The following SUCO variants were observed in gnomAD, a reference collection of about 807,000 sequenced individuals.
SUCO encodes SUN domain containing ossification factor.
A neutral mutation model predicts 148.1 loss-of-function variants in SUCO; 57 were observed. The observed-to-expected ratio is 0.38, with a 90% CI of 0.31 to 0.48. The LOEUF (loss-of-function observed/expected upper bound fraction) is 0.48. Ranked by LOEUF, SUCO falls within the 20% of genes least tolerant of loss-of-function variation. The pLI, the probability that SUCO is intolerant of heterozygous loss-of-function variation, is 0.96. For missense variants in SUCO, 1,331 were observed against 1,468.2 expected (o/e 0.91, Z 1.53); for synonymous variants, 470 against 502.7 (o/e 0.93, Z 0.87).
chr1:172,605,513 G>A (rs1394978271), intron 22 of SUCO, among the ~76,000 whole-genome samples: 2 of 151,738 alleles, frequency 1.3e-5, no homozygotes, highest in South Asian at 4.1e-4. Flanking sequence ...TGTGCCATTG[G>A]TGTATTTGTC....
At chr1:172,540,437 T>C (rs749761888) in intron 1 of SUCO, among the ~76,000 whole-genome samples, 30 of 152,238 alleles carry the variant, frequency 2.0e-4, no homozygotes, top group Non-Finnish European at 4.1e-4. Context: ...TTGTAGATTT[T>C]GTCAGTAAGT....
At chr1:172,586,292 T>C (rs1450273516) in intron 17 of SUCO, among the ~76,000 whole-genome samples, 2 of 152,072 alleles carry the variant, frequency 1.3e-5, no homozygotes, top group Non-Finnish European at 1.5e-5. Flanking sequence ...TTTTTTTTAT[T>C]AAGTTCAAGT....
chr1:172,533,152 G>C lies in SUCO; in HGVS notation c.-284G>C, dbSNP rs960126111. ...GGCCCCCGGCGGGCGGGGAGGATAT[G>C]GGGCGGCAGTGGCGGCTGCAGGAGG... On this transcript the variant is annotated 5_prime_UTR_variant, in exon 1 of 24. An upstream start codon of the reference 5' UTR is lost. Coordinates refer to ENST00000263688, the MANE Select transcript of SUCO (RefSeq NM_014283.5). The C allele has an allele frequency of 3.4e-6, 5 of 1,460,566 alleles. No homozygotes were observed. Among genetic ancestry groups the C allele is most frequent in the Non-Finnish European group, 4.5e-6 (5 of 1,111,136 alleles). 90.5% of individuals were successfully genotyped at this position (1,460,566 alleles called of 1,614,324 possible). A position where few individuals can be genotyped will look rare whatever the true frequency, so the allele number is the denominator to read the frequency against.
chr1:172,553,892 A>G (rs2149230034), intron 3 of SUCO, among the ~76,000 whole-genome samples: 1 of 152,340 alleles, frequency 6.6e-6, no homozygotes, highest in African/African-American at 2.4e-5. Flanking sequence ...TATATACACC[A>G]TAAACTGATC....
At position 172,610,083 on chromosome 1, in the gene SUCO, A is replaced by C; in HGVS notation, c.3589A>C (p.Thr1197Pro). The change falls in exon 24 of 24, where the codon ACT becomes CCT. Residue 1197 changes from threonine to proline, a missense_variant. This residue lies in a region of SUCO where 334 missense variants were observed against 352.3 expected (regional missense o/e 0.95). Transcript: ENST00000263688. Reference protein sequence around the residue: ...LCNGQSQKTKTEKRALKRRRS... With the variant: ...LCNGQSQKTKPEKRALKRRRS... The stretch of plus-strand genomic sequence containing the variant: ...CAATGGACAGTCTCAAAAGACAAAA[A>C]CTGAGAAGAGGGCTTTAAAACGAAG... 1 of 1,613,834 alleles carries C rather than the reference A, an allele frequency of 6.2e-7. No individual in the cohort carries two copies. Among genetic ancestry groups the C allele is most frequent in the Non-Finnish European group, 8.5e-7 (1 of 1,179,852 alleles).
intron 7 of SUCO, chr1:172,569,446 A>G (rs989116143): frequency 3.1e-6 from 3 of 979,124 alleles, no homozygotes; most frequent in East Asian, 1.1e-4. Flanking sequence ...TAAAATTCAT[A>G]TGGAACTCAA....
intron 1 of SUCO, among the ~76,000 whole-genome samples, chr1:172,545,225 A>G (rs1305181810): frequency 6.6e-6 from 1 of 152,138 alleles, no homozygotes; most frequent in African/African-American, 2.4e-5. Flanking sequence ...GAAGGAAGAG[A>G]GATGCAACTT....
intron 19 of SUCO, among the ~76,000 whole-genome samples, chr1:172,599,122 A>G (rs1008597798): frequency 6.6e-6 from 1 of 152,152 alleles, no homozygotes; most frequent in African/African-American, 2.4e-5. Context: ...AAAAGTTCAA[A>G]TTTTCGACCA....
At chr1:172,568,660 G>C (rs1202840489) in intron 6 of SUCO, among the ~76,000 whole-genome samples, 2 of 152,072 alleles carry the variant, frequency 1.3e-5, no homozygotes, top group Non-Finnish European at 1.5e-5. Flanking sequence ...TTTAATGGAT[G>C]TATTAACTTA....
chr1:172,571,338 G>A (rs1410192001), intron 9 of SUCO, among the ~76,000 whole-genome samples: 1 of 152,228 alleles, frequency 6.6e-6, no homozygotes, highest in East Asian at 1.9e-4. Context: ...CGGGATTGCA[G>A]ACGGAGTCTG....
At chr1:172,561,523 G>T (rs1654152118) in intron 6 of SUCO, among the ~76,000 whole-genome samples, 1 of 152,160 alleles carries the variant, frequency 6.6e-6, no homozygotes, top group Non-Finnish European at 1.5e-5. Context: ...CACCAGCTCA[G>T]GGTAATTGGG....
chr1:172,541,008 G>T (rs7531652), intron 1 of SUCO, among the ~76,000 whole-genome samples: 107,546 of 151,764 alleles, frequency 0.71, 39,329 homozygotes, highest in African/African-American at 0.89. Flanking sequence ...TGCTAGATTT[G>T]TTTTTAGAGG....
chr1:172,557,271 T>C lies in SUCO; in HGVS notation c.444-9T>C. 2 of 1,607,404 alleles carry C rather than the reference T, an allele frequency of 1.2e-6. No individual in the cohort carries two copies. Among genetic ancestry groups the C allele is most frequent in the South Asian group, 1.1e-5 (1 of 89,964 alleles). On this transcript the variant is annotated splice_polypyrimidine_tract_variant and intron_variant, in intron 4 of 23. Transcript: ENST00000263688. ...ATTACCAGATTATGTTTCTTGTTTC[T>C]TTTTTTAGTGAAATAGAAAAATCTG...
chr1:172,536,530 T>A (rs1006230340), intron 1 of SUCO, among the ~76,000 whole-genome samples: 1 of 152,228 alleles, frequency 6.6e-6, no homozygotes, highest in African/African-American at 2.4e-5. Context: ...GATGTTTTTA[T>A]GAGCACCGAA....
chr1:172,590,057 A>G, intron 18 of SUCO, 131 bp downstream of exon 18: 1 of 701,432 alleles, frequency 1.4e-6, no homozygotes. Flanking sequence ...TTTTAGCAAG[A>G]GAGAGAAAGA....
rs773875676 is a variant in SUCO, at chr1:172,557,266, G to T, written c.444-14G>T. 6.2e-7 allele frequency: 1 copy of T among 1,609,062 alleles called. No homozygotes were observed. Among genetic ancestry groups the T allele is most frequent in the Non-Finnish European group, 8.5e-7 (1 of 1,177,494 alleles). ...ATTTAATTACCAGATTATGTTTCTT[G>T]TTTCTTTTTTTAGTGAAATAGAAAA... On this transcript the variant is annotated splice_polypyrimidine_tract_variant and intron_variant, in intron 4 of 23. Transcript: ENST00000263688.
chr1:172,573,851 TTTGA>T, intron 9 of SUCO, 36 bp from the exon 10 acceptor site: 1 of 1,128,028 alleles, frequency 8.9e-7, no homozygotes. Context: ...GAACTGTTAT[TTTGA>T]TTGGTTTAAG....
In SUCO at chr1:172,553,383, G is replaced by T; in HGVS notation, c.288+13G>T. The T allele has an allele frequency of 6.5e-7, 1 of 1,539,000 alleles. No homozygotes were observed. On this transcript the variant is annotated intron_variant, in intron 3 of 23. Transcript: ENST00000263688. The stretch of plus-strand genomic sequence containing the variant: ...TGTGGATGTACAAGTAAGCTATGTC[G>T]CTTTGATTTTCAATAATATGTCATT...
At chr1:172,583,356 G>A (rs1054508096) in intron 15 of SUCO, among the ~76,000 whole-genome samples, 3 of 152,158 alleles carry the variant, frequency 2.0e-5, no homozygotes, top group Admixed American at 1.3e-4. Flanking sequence ...GAGCCTTTGT[G>A]TGTTACAGTA....
Sources: gnomAD v4.1 joint callset for allele counts (sites outside exome capture counted in the v4.1 genomes callset) on GRCh38, gnomAD v4.1.1 for gene constraint, gnomAD v4.1.1 regional missense constraint, MANE v1.5 for transcripts, NCBI Gene and HGNC (gene_info 2026-07-23, HGNC 2026-07-21) for gene names.